The following CABIN1 variants were observed in gnomAD, a reference collection of about 807,000 sequenced individuals.
CABIN1 encodes calcineurin-binding protein cabin-1.
In CABIN1, 133 loss-of-function variants were observed where a neutral mutation model predicts 227.7. The ratio of observed to expected loss-of-function variants is 0.58; its 90% CI spans 0.51 to 0.67. CABIN1 has a LOEUF of 0.67. Among genes scored for constraint, CABIN1 ranks in the 30% least tolerant of loss-of-function variants. CABIN1 has a pLI of 0.00. For missense variants in CABIN1, 2,408 were observed against 2,852.5 expected, an observed-to-expected ratio of 0.84 and a Z score of 3.55; for synonymous variants, 1,086 against 1,155.1, an observed-to-expected ratio of 0.94 and a Z score of 1.21.
intron 29 of CABIN1, among the ~76,000 whole-genome samples, chr22:24,162,494 A>G (rs1191320807): frequency 6.6e-6 from 1 of 152,250 alleles, no homozygotes; most frequent in African/African-American, 2.4e-5. Flanking sequence ...ATGAAGATAC[A>G]GTAAAGAGAT....
intron 28 of CABIN1, among the ~76,000 whole-genome samples, chr22:24,125,904 C>T (rs2043693930): frequency 6.6e-6 from 1 of 152,170 alleles, no homozygotes; most frequent in African/African-American, 2.4e-5. Flanking sequence ...CCCTTAGGTG[C>T]CAGAGGAGGT....
intron 33 of CABIN1, among the ~76,000 whole-genome samples, chr22:24,169,336 A>G (rs760057369): frequency 5.9e-5 from 9 of 152,088 alleles, no homozygotes; most frequent in Admixed American, 2.0e-4. Flanking sequence ...GCCTCGTCCC[A>G]GGTCCCTTTG....
At chr22:24,129,285 C>G (rs1018315734) in intron 28 of CABIN1, among the ~76,000 whole-genome samples, 1 of 152,172 alleles carries the variant, frequency 6.6e-6, no homozygotes, top group African/African-American at 2.4e-5. Flanking sequence ...TGGGGAGTTC[C>G]AGGAGCTATG....
intron 33 of CABIN1, chr22:24,170,249 T>C (rs753707049): frequency 2.1e-5 from 9 of 429,722 alleles, no homozygotes; most frequent in Non-Finnish European, 3.8e-5. Flanking sequence ...ATCCTCTGGT[T>C]CTCTCCTCCC....
At chr22:24,174,804 G>A (rs5751811) in intron 34 of CABIN1, among the ~76,000 whole-genome samples, 8,732 of 148,560 alleles carry the variant, frequency 0.059, 301 homozygotes, top group South Asian at 0.12. Context: ...GTTCTCCCCA[G>A]AGCCATTGAC....
In CABIN1 at chr22:24,177,424, G is replaced by A. The variant is rs1419683191; in HGVS notation, c.6206-80G>A. The A allele has an allele frequency of 4.0e-6, 5 of 1,243,024 alleles. No individual in the cohort carries two copies. In the African/African-American group the frequency reaches 4.5e-5, roughly 11 times the overall value. 77.0% of individuals were successfully genotyped at this position (1,243,024 alleles called of 1,614,324 possible). ...ACAGCATAAAGGCCCAGGACCTGGG[G>A]GGAGCGGGTGGGGGCGAGATAAAGT... On this transcript the variant is annotated intron_variant, in intron 35 of 36. Transcript: ENST00000263119. This position sits in a 1 kb window ranked among gnomAD's most constrained non-coding sequence, Gnocchi z 4.4.
intron 26 of CABIN1, among the ~76,000 whole-genome samples, chr22:24,099,806 C>A (rs746078260): frequency 1.3e-5 from 2 of 152,232 alleles, no homozygotes; most frequent in Non-Finnish European, 2.9e-5. Context: ...GGAACCCAAG[C>A]ACTGTCCTCT....
At chr22:24,118,706 G>T (rs1569241285) in intron 27 of CABIN1, among the ~76,000 whole-genome samples, 1 of 152,190 alleles carries the variant, frequency 6.6e-6, no homozygotes, top group African/African-American at 2.4e-5. Flanking sequence ...TGCACCTCAG[G>T]GTCTAGCCCA....
intron 24 of CABIN1, among the ~76,000 whole-genome samples, chr22:24,094,810 C>T (rs909199110): frequency 8.0e-6 from 1 of 125,248 alleles, no homozygotes; most frequent in Non-Finnish European, 1.6e-5. Flanking sequence ...GGCGACAGAG[C>T]GAGACTCCGT....
intron 29 of CABIN1, among the ~76,000 whole-genome samples, chr22:24,148,420 T>C (rs2045283216): frequency 6.6e-6 from 1 of 152,202 alleles, no homozygotes; most frequent in South Asian, 2.1e-4. Context: ...TTGCTGTGCA[T>C]GTCATTAGGG....
chr22:24,132,755 T>C (rs1195560161), intron 28 of CABIN1, among the ~76,000 whole-genome samples: 6 of 152,048 alleles, frequency 3.9e-5, no homozygotes, highest in African/African-American at 1.4e-4. Flanking sequence ...GCCAGGCTAA[T>C]TCTTGTATTT....
chr22:24,017,182 G>A (rs2035362470), intron 1 of CABIN1, among the ~76,000 whole-genome samples: 4 of 151,614 alleles, frequency 2.6e-5, no homozygotes, highest in Admixed American at 2.0e-4. Context: ...GACTACAGGC[G>A]CGTGCCACCA....
rs556864470 is a variant in CABIN1, at chr22:24,087,766, G to A, written c.3525+53G>A. The stretch of plus-strand genomic sequence containing the variant: ...TGCCATCCTTCTGTCCAGACAGAGT[G>A]CCCTCAGGTCAACGAAGCTCTGTCT... On this transcript the variant is annotated intron_variant, in intron 23 of 36. Coordinates refer to ENST00000263119, the MANE Select transcript of CABIN1 (RefSeq NM_012295.4). 29 of 1,606,966 alleles carry A rather than the reference G, an allele frequency of 1.8e-5. No individual in the cohort carries two copies. The Admixed American group carries it at 4.8e-4, about 27-fold the overall frequency.
rs553235082 is a variant in CABIN1 at position 24,054,738 on chromosome 22, A to G, written c.807-135A>G. The G allele has an allele frequency of 2.4e-4, 257 of 1,077,614 alleles. 3 individuals carry two copies. The South Asian group carries it at 3.2e-3, about 13-fold the overall frequency. The allele number at this position is 1,077,614 out of a possible 1,614,324, so 66.8% of individuals were successfully genotyped here. A position where few individuals can be genotyped will look rare whatever the true frequency, so the allele number is the denominator to read the frequency against. On this transcript the variant is annotated intron_variant, in intron 8 of 36. Transcript: ENST00000263119. The stretch of plus-strand genomic sequence containing the variant: ...TTGTGCCAGTGATGAAACCTTGATC[A>G]CCTCCCCCACCCCCATGGACATGGC...
rs186263621 is a variant in CABIN1, at chr22:24,099,519, G to A, written c.4117+1327G>A. Among the ~76,000 whole-genome samples, 3 of 152,164 alleles carry A rather than the reference G, an allele frequency of 2.0e-5. No individual in the cohort carries two copies. In the East Asian group the frequency reaches 5.8e-4, roughly 29 times the overall value. Reference sequence around the variant, plus strand: ...CCACCCCAGAGTGTTAAGCAGAGATGGGAAGAACTGACCCACCTGCTCCTC... The same window carrying A: ...CCACCCCAGAGTGTTAAGCAGAGATAGGAAGAACTGACCCACCTGCTCCTC... On this transcript the variant is annotated intron_variant, in intron 26 of 36. Coordinates refer to ENST00000263119, the MANE Select transcript of CABIN1 (RefSeq NM_012295.4).
chr22:24,128,594 A>G lies in CABIN1; in HGVS notation c.4633-5708A>G, dbSNP rs572513416. ...ACACTACTCCAAGGGCTCCCAGCCA[A>G]TTCCCCTTCACACAGGGCAAGAGGT... is the stretch of plus-strand genomic sequence containing the variant. On this transcript the variant is annotated intron_variant, in intron 28 of 36. Transcript: ENST00000263119. 2.6e-5 allele frequency among the ~76,000 whole-genome samples: 4 copies of G among 152,292 alleles called. No individual in the cohort carries two copies. In the East Asian group the frequency reaches 5.8e-4, roughly 22 times the overall value.
intron 3 of CABIN1, among the ~76,000 whole-genome samples, chr22:24,037,953 AT>A (rs1764109941): frequency 1.3e-5 from 2 of 152,196 alleles, no homozygotes; most frequent in Non-Finnish European, 2.9e-5. Flanking sequence ...TTACCAATTT[AT>A]TATGAAGGAT....
In CABIN1 at chr22:24,076,283, A is replaced by C. The variant is rs755709040; in HGVS notation, c.2747A>C (p.Tyr916Ser). The C allele has an allele frequency of 3.1e-6, 5 of 1,612,752 alleles. No individual in the cohort carries two copies. In the Admixed American group the frequency reaches 6.7e-5, roughly 21 times the overall value. ...TCAGATGGGGCTCTGCTGCGATTCTATGTAAGTGCTTCCCCTTGGGCTGCA... is the reference window on the plus strand; with the variant it reads ...TCAGATGGGGCTCTGCTGCGATTCTCTGTAAGTGCTTCCCCTTGGGCTGCA... Reference protein sequence around the residue: ...CNSDGALLRFYVRVLQKELAA... With the variant: ...CNSDGALLRFSVRVLQKELAA... Residue 916 changes from tyrosine to serine, a missense_variant and splice_region_variant, in exon 19 of 37, where the codon TAT becomes TCT. By Grantham distance (144) the Tyr-to-Ser change is moderately radical (BLOSUM62 -2). This residue lies in a region of CABIN1 where 1,045 missense variants were observed against 1,168.4 expected (regional missense o/e 0.89). Coordinates refer to ENST00000263119, the MANE Select transcript of CABIN1 (RefSeq NM_012295.4).
chr22:24,073,364 C>T lies in CABIN1; in HGVS notation c.2632+854C>T, dbSNP rs1384662383. The stretch of plus-strand genomic sequence containing the variant: ...TCTATTGATGCTTGTATTCAACTAG[C>T]TTAAAATTAAGTTTATTGAAGATTT... On this transcript the variant is annotated intron_variant, in intron 18 of 36. Coordinates refer to ENST00000263119, the MANE Select transcript of CABIN1 (RefSeq NM_012295.4). 2.0e-5 allele frequency among the ~76,000 whole-genome samples: 3 copies of T among 152,004 alleles called. No individual in the cohort carries two copies. In the South Asian group the frequency reaches 6.2e-4, roughly 31 times the overall value.
Sources: gnomAD v4.1 joint callset for allele counts (sites outside exome capture counted in the v4.1 genomes callset) on GRCh38, gnomAD v4.1.1 for gene constraint, gnomAD v4.1.1 regional missense constraint, Gnocchi (gnomAD v3.1) non-coding constraint, MANE v1.5 for transcripts, NCBI Gene and HGNC (gene_info 2026-07-23, HGNC 2026-07-21) for gene names.